The following ASH1L variants were observed in gnomAD, a reference collection of about 807,000 sequenced individuals.
ASH1L encodes histone-lysine N-methyltransferase ASH1L.
ASH1L carries 23 observed loss-of-function variants against 269.0 expected under a neutral mutation model. The observed-to-expected ratio is 0.09, with a 90% confidence interval of 0.06 to 0.12. The LOEUF (loss-of-function observed/expected upper bound fraction) is 0.12. ASH1L is among the 10% of genes least tolerant of loss of function. The probability of loss-of-function intolerance (pLI) is 1.00; values close to 1 mark genes in which losing one functional copy is unlikely to be tolerated. For synonymous variants in ASH1L, 1,187 were observed against 1,253.5 expected (o/e 0.95, Z 1.12); for missense variants, 2,912 against 3,567.8 (o/e 0.82, Z 4.68).
At chr1:155,368,040 T>C (rs1655596472) in intron 12 of ASH1L, among the ~76,000 whole-genome samples, 1 of 152,186 alleles carries the variant, frequency 6.6e-6, no homozygotes, top group Non-Finnish European at 1.5e-5. Flanking sequence ...AGGGTCTCTG[T>C]CACCCAGGCT....
intron 2 of ASH1L, among the ~76,000 whole-genome samples, chr1:155,486,995 G>C (rs553458180): frequency 6.6e-6 from 1 of 152,178 alleles, no homozygotes; most frequent in Admixed American, 6.5e-5. Context: ...GAGAAACCCC[G>C]TCTGAAATGA....
chr1:155,455,831 A>G (rs912701395), intron 4 of ASH1L, among the ~76,000 whole-genome samples: 3 of 152,222 alleles, frequency 2.0e-5, no homozygotes, highest in African/African-American at 7.2e-5. Flanking sequence ...TAGGAGAGGC[A>G]GAGAATTAGT....
chr1:155,498,741 A>G (rs1232942611), intron 2 of ASH1L, among the ~76,000 whole-genome samples: 1 of 151,792 alleles, frequency 6.6e-6, no homozygotes, highest in Non-Finnish European at 1.5e-5. Context: ...GTGCCTGACC[A>G]GCCGGCTAGT....
intron 1 of ASH1L, 70 bp from the exon 2 acceptor site, chr1:155,521,688 T>C (rs1319605904): frequency 7.4e-6 from 4 of 539,708 alleles, no homozygotes; most frequent in African/African-American, 3.9e-5. Context: ...GTAATGGGTA[T>C]AGGGGAAGAC....
intron 4 of ASH1L, among the ~76,000 whole-genome samples, chr1:155,452,975 T>C (rs2148659178): frequency 6.6e-6 from 1 of 152,326 alleles, no homozygotes; most frequent in South Asian, 2.1e-4. Context: ...TACAACTCCC[T>C]AGTTTTTCTT....
intron 3 of ASH1L, among the ~76,000 whole-genome samples, chr1:155,467,647 A>G (rs1352413949): frequency 3.3e-5 from 5 of 152,146 alleles, no homozygotes; most frequent in Non-Finnish European, 5.9e-5. Context: ...GGTCCAAGCT[A>G]CACATTCCAG....
At chr1:155,345,415 C>G (rs1653191227) in intron 21 of ASH1L, among the ~76,000 whole-genome samples, 1 of 150,900 alleles carries the variant, frequency 6.6e-6, no homozygotes, top group South Asian at 2.1e-4. Context: ...GAACTCCTAA[C>G]CCCATGATCC....
intron 24 of ASH1L, 43 bp from the exon 25 acceptor site, chr1:155,342,145 C>A (rs1356474766): frequency 6.2e-7 from 1 of 1,601,082 alleles, no homozygotes; most frequent in Non-Finnish European, 8.6e-7. Flanking sequence ...TTAGCCATTT[C>A]TCCCCCTGAG....
At chr1:155,432,844 C>G (rs952577979) in intron 5 of ASH1L, among the ~76,000 whole-genome samples, 1 of 152,056 alleles carries the variant, frequency 6.6e-6, no homozygotes, top group African/African-American at 2.4e-5. Context: ...CAAGCGATCC[C>G]CCCACCTCAG....
At chr1:155,465,346 CAT>C (rs113170854) in intron 3 of ASH1L, among the ~76,000 whole-genome samples, 1,544 of 116,234 alleles carry the variant, frequency 0.013, 37 homozygotes, top group African/African-American at 0.048. Context: ...TTGGACAAAA[CAT>C]ATGTTTCTTT....
intron 12 of ASH1L, among the ~76,000 whole-genome samples, chr1:155,364,993 T>C (rs915877461): frequency 6.6e-6 from 1 of 152,056 alleles, no homozygotes; most frequent in Admixed American, 6.6e-5. Flanking sequence ...TTTACTTTCT[T>C]AATAAACTTG....
intron 1 of ASH1L, among the ~76,000 whole-genome samples, chr1:155,537,741 A>G (rs1255642864): frequency 1.3e-5 from 2 of 148,256 alleles, no homozygotes; most frequent in Non-Finnish European, 3.0e-5. Flanking sequence ...TGACAGCATG[A>G]TTTTTTTTTT....
chr1:155,373,755 C>T (rs1489225705), intron 10 of ASH1L, among the ~76,000 whole-genome samples: 1 of 152,110 alleles, frequency 6.6e-6, no homozygotes, highest in Non-Finnish European at 1.5e-5. Flanking sequence ...GCAGCCTCGA[C>T]CTCCTGGGCT....
intron 17 of ASH1L, among the ~76,000 whole-genome samples, chr1:155,352,297 C>CAAAAAA (rs1281473342): frequency 1.1e-3 from 30 of 28,056 alleles, no homozygotes; most frequent in South Asian, 2.5e-3. Flanking sequence ...ACCTCCATCT[C>CAAAAAA]AAAAAAAAAA....
Position 155,357,665 on chromosome 1 carries a change from T to A in ASH1L, c.6880A>T (p.Asn2294Tyr), listed in dbSNP as rs1654538236. Residue 2294 changes from asparagine to tyrosine, a missense_variant, in exon 14 of 28, where the codon AAC (asparagine) becomes TAC (tyrosine). Physicochemically the swap from Asn to Tyr is moderately radical, Grantham distance 143. Coordinates refer to ENST00000392403, the MANE Select transcript of ASH1L (RefSeq NM_018489.3). The stretch of plus-strand genomic sequence containing the variant: ...TTGTGTGTGGCCATGGGCTGGCTGT[T>A]TTTGCTGCTGGTGAGTCCATTCACA... ...QRVNGLTSSK[N>Y]SQPMATHKKS... 1.2e-6 allele frequency: 2 copies of A among 1,614,146 alleles called. No individual in the cohort carries two copies. The highest frequency in any genetic ancestry group is 1.7e-6 in the Non-Finnish European group (2 of 1,180,018).
chr1:155,440,761 T>C (rs1384497246), intron 4 of ASH1L, among the ~76,000 whole-genome samples: 4 of 152,208 alleles, frequency 2.6e-5, no homozygotes, highest in Admixed American at 6.5e-5. Context: ...GAATTTCTAT[T>C]TTCTGAATAG....
rs373432485 is a variant in ASH1L at position 155,438,677 on chromosome 1, G to C, written c.5478C>G (p.Val1826=). 2.5e-6 allele frequency: 4 copies of C among 1,614,048 alleles called. No individual in the cohort carries two copies. The African/African-American group carries it at 5.3e-5, about 22-fold the overall frequency. ...ILATKKNLDH[V]NKILKAKKLQ... is the part of the protein sequence containing the mutation. Reference sequence around the variant, plus strand: ...GTTTTTTGGCTTTTAAGATTTTATTGACATGGTCTAGGTTTTTCTTTGTGG... The same window carrying C: ...GTTTTTTGGCTTTTAAGATTTTATTCACATGGTCTAGGTTTTTCTTTGTGG... The change falls in exon 5 of 28, where the codon GTC becomes GTG. Residue 1826 remains valine, a synonymous_variant. Transcript: ENST00000392403.
intron 4 of ASH1L, among the ~76,000 whole-genome samples, chr1:155,457,753 A>T (rs1663969663): frequency 6.6e-6 from 1 of 152,238 alleles, no homozygotes; most frequent in African/African-American, 2.4e-5. Context: ...CAGAAATCTA[A>T]TTCAATGAAC....
At chr1:155,468,842 T>C (rs1478297121) in intron 3 of ASH1L, among the ~76,000 whole-genome samples, 1 of 152,180 alleles carries the variant, frequency 6.6e-6, no homozygotes, top group African/African-American at 2.4e-5. Flanking sequence ...TAAACCTTTA[T>C]ACTTCAAAAA....
Sources: allele counts gnomAD v4.1 joint callset (sites outside exome capture counted in the v4.1 genomes callset), GRCh38; gene constraint gnomAD v4.1.1; transcripts MANE v1.5; gene names NCBI Gene and HGNC (gene_info 2026-07-23, HGNC 2026-07-21).